DIDO1: variants seen among roughly 807,000 people sequenced by gnomAD.
DIDO1 encodes the protein death inducer-obliterator 1.
A neutral mutation model predicts 99.4 loss-of-function variants in DIDO1; 16 were observed. The observed-to-expected ratio is 0.16, with a 90% CI of 0.11 to 0.24. DIDO1 has a LOEUF of 0.24. Ranked by LOEUF, DIDO1 falls within the 10% of genes least tolerant of loss-of-function variation. The pLI is 1.00. For missense variants in DIDO1, 2,996 were observed against 3,014.0 expected, an observed-to-expected ratio of 0.99 and a Z score of 0.14; for synonymous variants, 1,366 against 1,239.1, an observed-to-expected ratio of 1.10 and a Z score of -2.15.
At position 62,881,594 on chromosome 20, in the gene DIDO1, C is replaced by T. The variant is rs753934061; in HGVS notation, c.4362G>A (p.Arg1454=). 1 of 1,611,948 alleles carries T rather than the reference C, an allele frequency of 6.2e-7. No individual in the cohort carries two copies. Among genetic ancestry groups the T allele is most frequent in the Non-Finnish European group, 8.5e-7 (1 of 1,180,018 alleles). Residue 1454 remains arginine, a synonymous_variant, in exon 16 of 16, where the codon AGG becomes AGA. Transcript: ENST00000395343. This position sits in a 1 kb window ranked among gnomAD's most constrained non-coding sequence, Gnocchi z 8.3. ...LPNRMCADVR[R]NSVERPAEPV... ...GCTCGGCAGGCCTCTCCACGGAGTT[C>T]CTTCTCACGTCGGCACACATCCTGT...
In DIDO1 at chr20:62,880,761, C is replaced by T; in HGVS notation, c.5195G>A (p.Gly1732Asp). ...DREPQARPGEGTAPLPPPGQK... is the reference protein window; with the variant it reads ...DREPQARPGEDTAPLPPPGQK... ...TCCTGGTGGGGGGAGCGGGGCGGTG[C>T]CCTCGCCGGGTCTGGCCTGTGGCTC... Residue 1732 changes from glycine (G) to aspartate (D), a missense_variant, in exon 16 of 16, where the codon GGC becomes GAC. This residue lies in a region of DIDO1 where 1,562 missense variants were observed against 1,412.6 expected (regional missense o/e 1.11). Coordinates refer to ENST00000395343, the MANE Select transcript of DIDO1 (RefSeq NM_001193369.2). 6.2e-7 allele frequency: 1 copy of T among 1,612,596 alleles called. No homozygotes were observed. The highest frequency in any genetic ancestry group is 8.5e-7 in the Non-Finnish European group (1 of 1,179,876).
In DIDO1 at chr20:62,880,628, C is replaced by T. The variant is rs752039835; in HGVS notation, c.5328G>A (p.Gly1776=). ...TCTCTTCTGGAAACGGAGGGGCTGG[C>T]CCCCTTGGTCCCGGGAAATTGGGGC... ...LHGPNFPGPR[G]PAPPFPEENI... Residue 1776 remains glycine, a synonymous_variant, in exon 16 of 16, where the codon GGG becomes GGA. Coordinates refer to ENST00000395343, the MANE Select transcript of DIDO1 (RefSeq NM_001193369.2). The T allele has an allele frequency of 8.2e-5, 132 of 1,612,762 alleles. No individual in the cohort carries two copies. Among genetic ancestry groups the T allele is most frequent in the Middle Eastern group, 1.6e-4 (1 of 6,084 alleles).
rs755493984 is a variant in DIDO1 at position 62,881,714 on chromosome 20, A to C, written c.4242T>G (p.Pro1414=). Residue 1414 remains proline (P), a synonymous_variant, in exon 16 of 16, where the codon CCT becomes CCG. Transcript: ENST00000395343. This position sits in a 1 kb window ranked among gnomAD's most constrained non-coding sequence, Gnocchi z 8.3. ...RGRRHEVERA[P]EAAAAEREEV... is the part of the protein sequence containing the mutation. ...CTTCCCGCTCGGCTGCAGCTGCTTCAGGAGCCCTTTCCACCTCGTGGCGCC... is the reference window on the plus strand; with the variant it reads ...CTTCCCGCTCGGCTGCAGCTGCTTCCGGAGCCCTTTCCACCTCGTGGCGCC... 6.2e-7 allele frequency: 1 copy of C among 1,612,926 alleles called. No homozygotes were observed. Among genetic ancestry groups the C allele is most frequent in the South Asian group, 1.1e-5 (1 of 91,078 alleles).
At chr20:62,899,496 A>G (rs1241997649) in intron 6 of DIDO1, among the ~76,000 whole-genome samples, 2 of 152,178 alleles carry the variant, frequency 1.3e-5, no homozygotes, top group Non-Finnish European at 2.9e-5. Flanking sequence ...TAACTACACT[A>G]TTGTCTCCCT....
intron 15 of DIDO1, chr20:62,888,549 C>T (rs1262818977): frequency 2.0e-6 from 2 of 985,394 alleles, no homozygotes; most frequent in Admixed American, 1.2e-4. Context: ...GGAGTCACCA[C>T]CATCAGCACC....
rs912654986 is a variant in DIDO1 at position 62,896,448 on chromosome 20, T to C, written c.2055-56A>G. 1 of 1,591,052 alleles carries C rather than the reference T, an allele frequency of 6.3e-7. No individual in the cohort carries two copies. Among genetic ancestry groups the C allele is most frequent in the African/African-American group, 1.4e-5 (1 of 73,122 alleles). On this transcript the variant is annotated intron_variant, in intron 7 of 15. Coordinates refer to ENST00000395343, the MANE Select transcript of DIDO1 (RefSeq NM_001193369.2). The surrounding 1 kb of genome is among the most constrained non-coding windows in gnomAD (Gnocchi z 4.4). ...AGACACTTGTGTATATTAAACTTTT[T>C]GAACAGTGAGGCAATCCTGCAGCCA...
intron 1 of DIDO1, among the ~76,000 whole-genome samples, chr20:62,923,238 C>T (rs1014861937): frequency 5.9e-5 from 9 of 151,944 alleles, no homozygotes; most frequent in African/African-American, 1.2e-4. Flanking sequence ...TGCAGTGGTG[C>T]GGTCTCGGCT....
intron 1 of DIDO1, among the ~76,000 whole-genome samples, chr20:62,933,244 A>G (rs1014268290): frequency 5.3e-5 from 8 of 152,180 alleles, no homozygotes; most frequent in Non-Finnish European, 7.3e-5. Context: ...GAATATGTGC[A>G]GCAGACTAAA....
intron 14 of DIDO1, among the ~76,000 whole-genome samples, chr20:62,891,642 G>A (rs1001472311): frequency 2.0e-5 from 3 of 152,120 alleles, no homozygotes; most frequent in Admixed American, 1.3e-4. Flanking sequence ...AAAAAAACAA[G>A]AAAATAAAAC....
At chr20:62,892,735 G>A in intron 13 of DIDO1, 74 bp downstream of exon 13, 1 of 1,513,452 alleles carries the variant, frequency 6.6e-7, no homozygotes, top group Non-Finnish European at 8.9e-7. Flanking sequence ...AAGGGAGAAA[G>A]TCATGTGTTT....
rs560247521 is a variant in DIDO1, at chr20:62,900,832, T to C, written c.1589-3836A>G. Among the ~76,000 whole-genome samples the C allele has an allele frequency of 2.6e-5, 4 of 152,348 alleles. No individual in the cohort carries two copies. In the East Asian group the frequency reaches 7.7e-4, roughly 29 times the overall value. On this transcript the variant is annotated intron_variant, in intron 6 of 15. Transcript: ENST00000395343. The stretch of plus-strand genomic sequence containing the variant: ...TGCCTATCACCATCCGCTACAGCTC[T>C]AAGGGCTGTTTCTATGCTATGCACC...
At position 62,894,366 on chromosome 20, in the gene DIDO1, C is replaced by T; in HGVS notation, c.2572+47G>A. ...GAGGTTCAGTGATTTTTAACAAAAT[C>T]AAGTTTAGTCTCAGCTCCAAGGCTC... On this transcript the variant is annotated intron_variant, in intron 11 of 15. Coordinates refer to ENST00000395343, the MANE Select transcript of DIDO1 (RefSeq NM_001193369.2). This position sits in a 1 kb window ranked among gnomAD's most constrained non-coding sequence, Gnocchi z 4.4. 6.3e-7 allele frequency: 1 copy of T among 1,594,346 alleles called. No individual in the cohort carries two copies. The highest frequency in any genetic ancestry group is 1.7e-5 in the Admixed American group (1 of 58,366).
At chr20:62,922,723 G>A (rs1389286459) in intron 1 of DIDO1, among the ~76,000 whole-genome samples, 1 of 152,232 alleles carries the variant, frequency 6.6e-6, no homozygotes, top group African/African-American at 2.4e-5. Context: ...AAGTGACACA[G>A]CCTGTGCTGG....
chr20:62,906,034 T>C lies in DIDO1; in HGVS notation c.1441A>G (p.Lys481Glu). ...APEKKETTVK[K>E]AVVVPARSEA... Reference sequence around the variant, plus strand: ...CTCCGCGCAGGGACCACCACTGCCTTCTTCACTGTGGTCTCTTTTTTTTCT... The same window carrying C: ...CTCCGCGCAGGGACCACCACTGCCTCCTTCACTGTGGTCTCTTTTTTTTCT... The change falls in exon 6 of 16, where the codon AAG becomes GAG. Residue 481 changes from lysine to glutamate, a missense_variant. By Grantham distance (56) the Lys-to-Glu change is moderately conservative (BLOSUM62 1). Coordinates refer to ENST00000395343, the MANE Select transcript of DIDO1 (RefSeq NM_001193369.2). 4 of 1,613,970 alleles carry C rather than the reference T, an allele frequency of 2.5e-6. No individual in the cohort carries two copies. The highest frequency in any genetic ancestry group is 3.4e-6 in the Non-Finnish European group (4 of 1,180,030).
intron 1 of DIDO1, among the ~76,000 whole-genome samples, chr20:62,926,085 G>C (rs973368912): frequency 6.6e-6 from 1 of 151,986 alleles, no homozygotes; most frequent in Non-Finnish European, 1.5e-5. Flanking sequence ...CACTCGCCCA[G>C]GCCAGCCCTG....
chr20:62,893,871 G>A lies in DIDO1; in HGVS notation c.2896C>T (p.Arg966Trp), dbSNP rs146238251. 6.2e-6 allele frequency: 10 copies of A among 1,612,508 alleles called. No individual in the cohort carries two copies. Among genetic ancestry groups the A allele is most frequent in the East Asian group, 4.5e-5 (2 of 44,850 alleles). ...CTGCTTGGAGCGGTCCTGGGGTCCCGGCCGGACACTGTGACGGTGGTGACC... is the reference window on the plus strand; with the variant it reads ...CTGCTTGGAGCGGTCCTGGGGTCCCAGCCGGACACTGTGACGGTGGTGACC... ...GVVTTVTVSG[R>W]DPRTAPSSSC... The change falls in exon 12 of 16, where the codon CGG (arginine) becomes TGG (tryptophan). Residue 966 changes from arginine to tryptophan, a missense_variant. Arg to Trp is a moderately radical substitution (Grantham distance 101, BLOSUM62 -3). This residue lies in a region of DIDO1 where 898 missense variants were observed against 972.7 expected (regional missense o/e 0.92). Transcript: ENST00000395343.
chr20:62,898,976 GGTCA>G (rs1221683342), intron 6 of DIDO1, among the ~76,000 whole-genome samples: 2 of 152,120 alleles, frequency 1.3e-5, no homozygotes, highest in Non-Finnish European at 2.9e-5. Context: ...GGTTGCAATA[GGTCA>G]GTCAGGTTAA....
chr20:62,899,139 T>C (rs2064604138), intron 6 of DIDO1, among the ~76,000 whole-genome samples: 1 of 152,200 alleles, frequency 6.6e-6, no homozygotes, highest in African/African-American at 2.4e-5. Flanking sequence ...AGCCCCGGTC[T>C]CCAGAGGCGG....
intron 1 of DIDO1, among the ~76,000 whole-genome samples, chr20:62,922,432 G>C (rs1258538483): frequency 6.6e-6 from 1 of 151,992 alleles, no homozygotes; most frequent in African/African-American, 2.4e-5. Flanking sequence ...CAGTTAAGCA[G>C]ATGGGGGGCT....
Sources: allele counts gnomAD v4.1 joint callset (sites outside exome capture counted in the v4.1 genomes callset), GRCh38; gene constraint gnomAD v4.1.1; regional missense constraint gnomAD v4.1.1; non-coding constraint Gnocchi (gnomAD v3.1); transcripts MANE v1.5; gene names NCBI Gene and HGNC (gene_info 2026-07-23, HGNC 2026-07-21).